The following PDE10A variants were observed in gnomAD, a reference collection of about 807,000 sequenced individuals.
PDE10A encodes the protein cAMP and cAMP-inhibited cGMP 3',5'-cyclic phosphodiesterase 10A.
PDE10A carries 39 observed loss-of-function variants against 97.7 expected under a neutral mutation model. The observed-to-expected ratio is 0.40, with a 90% CI of 0.31 to 0.52. The LOEUF is 0.52. Among genes scored for constraint, PDE10A ranks in the 20% least tolerant of loss-of-function variants. PDE10A has a pLI of 0.56. For missense variants in PDE10A, 731 were observed against 1,047.8 expected, an observed-to-expected ratio of 0.70 and a Z score of 4.17; for synonymous variants, 371 against 376.8, an observed-to-expected ratio of 0.98 and a Z score of 0.18.
rs565237871 is a variant in PDE10A, at chr6:165,646,137, C to T, written c.865+15810G>A. 1.5e-3 allele frequency among the ~76,000 whole-genome samples: 236 copies of T among 152,298 alleles called. 2 individuals are homozygous for T. The highest frequency in any genetic ancestry group is 5.4e-3 in the African/African-American group (225 of 41,578). ...GCATCAGGAACGCGAGGGCAAAGGC[C>T]TCACTGCAGCTCTGTCCCCACCCCG... On this transcript the variant is annotated intron_variant, in intron 1 of 21. Coordinates refer to ENST00000539869, the MANE Select transcript of PDE10A (RefSeq NM_001385079.1).
intron 19 of PDE10A, among the ~76,000 whole-genome samples, chr6:165,342,740 C>T (rs1424014164): frequency 1.3e-5 from 2 of 152,240 alleles, no homozygotes; most frequent in African/African-American, 2.4e-5. Context: ...CCTAGGTATC[C>T]GTGACTCATT....
At chr6:165,982,477 C>A (rs962864206) in intron 1 of PDE10A, among the ~76,000 whole-genome samples, 17 of 152,028 alleles carry the variant, frequency 1.1e-4, no homozygotes, top group African/African-American at 4.1e-4. Flanking sequence ...CAAGATAGTC[C>A]AATTAGGGTG....
At chr6:165,939,626 T>C (rs1279995045) in intron 1 of PDE10A, 6 of 152,232 alleles carry the variant, frequency 3.9e-5, no homozygotes, top group African/African-American at 1.4e-4. Flanking sequence ...GGCATTTTTA[T>C]TCCTGTAAAA....
chr6:165,337,029 A>T (rs1158549064), intron 20 of PDE10A, among the ~76,000 whole-genome samples: 2 of 151,864 alleles, frequency 1.3e-5, no homozygotes, highest in African/African-American at 4.8e-5. Context: ...ATATTTACTC[A>T]TCCTCCCAGC....
chr6:165,870,985 T>C (rs1562775682), intron 1 of PDE10A, among the ~76,000 whole-genome samples: 1 of 152,196 alleles, frequency 6.6e-6, no homozygotes, highest in Non-Finnish European at 1.5e-5. Context: ...AGTTGACTAA[T>C]GGGCACACAC....
At chr6:165,447,637 T>C (rs1046381459) in intron 5 of PDE10A, among the ~76,000 whole-genome samples, 6 of 152,220 alleles carry the variant, frequency 3.9e-5, no homozygotes, top group Non-Finnish European at 5.9e-5. Context: ...TAATTTTTAA[T>C]GCACCGAAAA....
intron 1 of PDE10A, among the ~76,000 whole-genome samples, chr6:165,836,366 C>T (rs531665647): frequency 2.0e-4 from 31 of 152,306 alleles, no homozygotes; most frequent in Non-Finnish European, 3.1e-4. Context: ...TTCTGACCGG[C>T]GCACGTCGGC....
At chr6:165,612,559 G>A (rs760555178) in intron 1 of PDE10A, among the ~76,000 whole-genome samples, 28 of 152,150 alleles carry the variant, frequency 1.8e-4, no homozygotes, top group African/African-American at 6.3e-4. Flanking sequence ...CAGTAGAGAC[G>A]GGTTTTTGCC....
intron 1 of PDE10A, among the ~76,000 whole-genome samples, chr6:165,816,196 G>A (rs1005720696): frequency 6.6e-5 from 10 of 152,096 alleles, no homozygotes; most frequent in South Asian, 2.1e-4. Flanking sequence ...TGATCTGCCC[G>A]CCTTGGCCTC....
chr6:165,717,679 T>G (rs78965744), intron 1 of PDE10A, among the ~76,000 whole-genome samples: 1,596 of 152,352 alleles, frequency 0.01, 31 homozygotes, highest in African/African-American at 0.037. Context: ...ATTCCGTAAT[T>G]CTATGTTTAA....
intron 1 of PDE10A, among the ~76,000 whole-genome samples, chr6:165,981,903 G>T (rs1205608798): frequency 6.6e-6 from 1 of 152,196 alleles, no homozygotes; most frequent in African/African-American, 2.4e-5. Context: ...ACATTAATCT[G>T]TTGGAAAGAT....
chr6:165,855,899 A>T (rs1295950386), intron 1 of PDE10A, among the ~76,000 whole-genome samples: 1 of 152,182 alleles, frequency 6.6e-6, no homozygotes, highest in African/African-American at 2.4e-5. Context: ...TCTTTCTGCC[A>T]CATTTTCTGT....
intron 4 of PDE10A, 114 bp from the exon 5 acceptor site, chr6:165,449,091 A>T: frequency 1.4e-6 from 1 of 733,518 alleles, no homozygotes; most frequent in Non-Finnish European, 2.5e-6. Context: ...TGTTAACAGA[A>T]TCAATGGTCA....
chr6:165,482,691 C>T (rs1400707303), intron 2 of PDE10A, among the ~76,000 whole-genome samples: 1 of 152,138 alleles, frequency 6.6e-6, no homozygotes, highest in East Asian at 1.9e-4. Flanking sequence ...CACAATACAA[C>T]CCACATGAAT....
chr6:165,645,621 AGGTGGGCAGATTACC>A (rs1296195599), intron 1 of PDE10A, among the ~76,000 whole-genome samples: 4 of 152,104 alleles, frequency 2.6e-5, no homozygotes, highest in African/African-American at 4.8e-5. Context: ...TGGGAGGCTG[AGGTGGGCAGATTACC>A]TGAGGTGAGG....
chr6:165,488,862 C>T (rs1445485681), intron 2 of PDE10A, among the ~76,000 whole-genome samples: 7 of 152,014 alleles, frequency 4.6e-5, no homozygotes, highest in African/African-American at 9.7e-5. Flanking sequence ...CCCCTGGGAA[C>T]GTAACTCCAT....
chr6:165,843,795 A>C (rs2128473644), intron 1 of PDE10A, among the ~76,000 whole-genome samples: 1 of 152,314 alleles, frequency 6.6e-6, no homozygotes, highest in Middle Eastern at 3.4e-3. Context: ...GGGAAGCCTG[A>C]GCCTATCCCG....
At chr6:165,361,394 T>C (rs987175482) in intron 18 of PDE10A, among the ~76,000 whole-genome samples, 23 of 152,208 alleles carry the variant, frequency 1.5e-4, no homozygotes, top group Non-Finnish European at 2.8e-4. Flanking sequence ...AAAAGAAACT[T>C]GGAATCTTCA....
Position 165,932,747 on chromosome 6 carries a change from C to G in PDE10A, c.-615+54782G>C, listed in dbSNP as rs548538328. ...TCAGCCTCCCAAAGTGCTGGGATTA[C>G]AGGCATGAGCCACCACACCCGGCCT... On this transcript the variant is annotated intron_variant, in intron 1 of 19. Transcript: ENST00000366882. Among the ~76,000 whole-genome samples, 3 of 152,238 alleles carry G rather than the reference C, an allele frequency of 2.0e-5. No homozygotes were observed. The South Asian group carries it at 6.2e-4, about 31-fold the overall frequency.
Sources: gnomAD v4.1 joint callset for allele counts (sites outside exome capture counted in the v4.1 genomes callset) on GRCh38, gnomAD v4.1.1 for gene constraint, MANE v1.5 for transcripts, NCBI Gene and HGNC (gene_info 2026-07-23, HGNC 2026-07-21) for gene names.